Variants in AOAH observed in about 807,000 individuals in gnomAD.
The protein encoded by AOAH is acyloxyacyl hydrolase.
Under a neutral mutation model 92.2 loss-of-function variants are expected in AOAH, and 64 were observed. The ratio of observed to expected loss-of-function variants is 0.69; its 90% CI spans 0.57 to 0.86. The LOEUF is 0.86. AOAH is among the 40% of genes least tolerant of loss of function. AOAH has a pLI of 0.00. For synonymous variants in AOAH, 263 were observed against 254.5 expected, an observed-to-expected ratio of 1.03 and a Z score of -0.32; for missense variants, 656 against 694.6, an observed-to-expected ratio of 0.94 and a Z score of 0.62.
chr7:36,625,438 G>A (rs773506965), intron 6 of AOAH, among the ~76,000 whole-genome samples: 1 of 152,150 alleles, frequency 6.6e-6, no homozygotes, highest in Non-Finnish European at 1.5e-5. Flanking sequence ...GGTTTATTGG[G>A]AGGATTAAGG....
At chr7:36,687,953 G>T (rs1343588611) in intron 1 of AOAH, among the ~76,000 whole-genome samples, 2 of 152,168 alleles carry the variant, frequency 1.3e-5, no homozygotes, top group African/African-American at 4.8e-5. Context: ...CTTTCTAGAT[G>T]CTGCAATATC....
At chr7:36,660,652 T>G in intron 3 of AOAH, among the ~76,000 whole-genome samples, 1 of 152,212 alleles carries the variant, frequency 6.6e-6, no homozygotes, top group East Asian at 1.9e-4. Context: ...GAAAGTACAA[T>G]GTAACTGACT....
intron 6 of AOAH, among the ~76,000 whole-genome samples, chr7:36,624,741 G>T (rs1305286233): frequency 6.6e-6 from 1 of 152,178 alleles, no homozygotes; most frequent in African/African-American, 2.4e-5. Flanking sequence ...CCCAGCACCC[G>T]TGGGTGACCC....
At chr7:36,573,647 G>A (rs751440544) in intron 13 of AOAH, among the ~76,000 whole-genome samples, 12 of 152,130 alleles carry the variant, frequency 7.9e-5, no homozygotes, top group Non-Finnish European at 1.5e-4. Flanking sequence ...GAACCCAGGA[G>A]GTGGAGGTTG....
rs947625125 is a variant in AOAH at position 36,614,892 on chromosome 7, AGAGATTCCTGGCTTACCTGGGGACCCATG to A, written c.846+1459_846+1487del. ...ACTGGGGAGACAGGCCCTGGGAAGG[AGAGATTCCTGGCTTACCTGGGGACCCATG>A]GAACACTGGCAGGAGGAGGAACCCA... On this transcript the variant is annotated intron_variant, in intron 11 of 20. Transcript: ENST00000617537. This position sits in a 1 kb window ranked among gnomAD's most constrained non-coding sequence, Gnocchi z 4.2. 6.6e-6 allele frequency among the ~76,000 whole-genome samples: 1 copy of A among 152,158 alleles called. No individual in the cohort carries two copies. The highest frequency in any genetic ancestry group is 1.5e-5 in the Non-Finnish European group (1 of 68,028).
At chr7:36,680,015 G>C (rs1182030573) in intron 2 of AOAH, among the ~76,000 whole-genome samples, 1 of 152,152 alleles carries the variant, frequency 6.6e-6, no homozygotes, top group Non-Finnish European at 1.5e-5. Flanking sequence ...AGAACCTCCA[G>C]AGTAGGCATG....
At position 36,707,042 on chromosome 7, in the gene AOAH, C is replaced by CT. The variant is rs70977182; in HGVS notation, c.127+16979dup. Among the ~76,000 whole-genome samples, 342 of 145,664 alleles carry CT rather than the reference C, an allele frequency of 2.3e-3. 2 individuals are homozygous for CT. Among genetic ancestry groups the CT allele is most frequent in the Admixed American group, 2.7e-3 (40 of 14,592 alleles). On this transcript the variant is annotated intron_variant, in intron 1 of 20. Coordinates refer to ENST00000617537, the MANE Select transcript of AOAH (RefSeq NM_001637.4). ...TTTTTTTTCAATAACTTTCTCTTTT[C>CT]TTTTTTTTTTTTGGCATTCACCACT...
At chr7:36,523,710 C>T (rs754669569) in intron 19 of AOAH, among the ~76,000 whole-genome samples, 10 of 131,790 alleles carry the variant, frequency 7.6e-5, no homozygotes, top group Admixed American at 5.8e-4. Context: ...TCACATTTCC[C>T]TCTGGACTTG....
intron 12 of AOAH, among the ~76,000 whole-genome samples, chr7:36,584,177 G>C (rs1001059329): frequency 2.0e-5 from 3 of 152,160 alleles, no homozygotes; most frequent in African/African-American, 4.8e-5. Flanking sequence ...TACCAAATAA[G>C]CTTGTTTCCC....
At chr7:36,659,518 C>T (rs906238836) in intron 3 of AOAH, among the ~76,000 whole-genome samples, 2 of 152,198 alleles carry the variant, frequency 1.3e-5, no homozygotes, top group African/African-American at 4.8e-5. Flanking sequence ...GCCAGTCAGC[C>T]TCTCACGCGA....
intron 1 of AOAH, among the ~76,000 whole-genome samples, chr7:36,708,360 T>C (rs1419824096): frequency 6.6e-6 from 1 of 152,222 alleles, no homozygotes; most frequent in Non-Finnish European, 1.5e-5. Flanking sequence ...ATTTCAATTA[T>C]TGATTTTTAA....
At chr7:36,521,947 A>G (rs976009032) in intron 20 of AOAH, 92 bp downstream of exon 20, 3 of 1,092,426 alleles carry the variant, frequency 2.7e-6, no homozygotes, top group Non-Finnish European at 4.2e-6. Context: ...GGAACAAAAC[A>G]GGATAAAAAT....
chr7:36,588,636 T>C (rs899105128), intron 12 of AOAH, among the ~76,000 whole-genome samples: 1 of 152,216 alleles, frequency 6.6e-6, no homozygotes, highest in Non-Finnish European at 1.5e-5. Flanking sequence ...TTCCCTACTC[T>C]CCAATTTTCT....
At chr7:36,618,475 G>T (rs921630323) in intron 9 of AOAH, 130 bp from the exon 10 acceptor site, 17 of 801,992 alleles carry the variant, frequency 2.1e-5, no homozygotes, top group Non-Finnish European at 3.3e-5. Context: ...AGTTTCTTAA[G>T]CCCCTAATTC....
Position 36,608,139 on chromosome 7 carries a change from C to T in AOAH, c.846+8241G>A, listed in dbSNP as rs540270574. 5.9e-5 allele frequency among the ~76,000 whole-genome samples: 9 copies of T among 152,364 alleles called. No individual in the cohort carries two copies. The South Asian group carries it at 1.9e-3, about 32-fold the overall frequency. On this transcript the variant is annotated intron_variant, in intron 11 of 20. Coordinates refer to ENST00000617537, the MANE Select transcript of AOAH (RefSeq NM_001637.4). The stretch of plus-strand genomic sequence containing the variant: ...GCTCTTTCTGTCCTGCTGCCTCGGT[C>T]ACTGCTCTTACATTCCCCATGGGGG...
rs2228411 is a variant in AOAH at position 36,724,083 on chromosome 7, C to T, written c.66G>A (p.Ser22=). The T allele has an allele frequency of 0.35, 560,204 of 1,613,310 alleles. 101,079 individuals carry two copies. Among genetic ancestry groups the T allele is most frequent in the African/African-American group, 0.53 (39,533 of 74,894 alleles). The change falls in exon 1 of 21, where the codon TCG becomes TCA. Residue 22 remains serine, a synonymous_variant. Transcript: ENST00000617537. ...ACTGGTCATCGTTGGCTGGAGAGGC[C>T]GAGGACTGAAGAGACAGGAGCAAGA... The part of the protein sequence containing the change: ...PLFLLLSLQS[S]ASPANDDQSR...
At position 36,614,701 on chromosome 7, in the gene AOAH, A is replaced by T. The variant is rs370109649; in HGVS notation, c.846+1679T>A. ...TTGGTCCTTTTGGGAATCTGGGCAC[A>T]GGCAAGAGGAAGATTGGGGTTGGGC... On this transcript the variant is annotated intron_variant, in intron 11 of 20. Transcript: ENST00000617537. The surrounding 1 kb of genome is among the most constrained non-coding windows in gnomAD (Gnocchi z 4.2). Among the ~76,000 whole-genome samples the T allele has an allele frequency of 3.0e-4, 45 of 152,358 alleles. 1 individual carries two copies. The East Asian group carries it at 5.6e-3, about 19-fold the overall frequency.
At chr7:36,556,916 G>A in intron 13 of AOAH, among the ~76,000 whole-genome samples, 1 of 151,612 alleles carries the variant, frequency 6.6e-6, no homozygotes, top group East Asian at 1.9e-4. Context: ...ACAGCACACT[G>A]ATGGCTCTTG....
intron 1 of AOAH, among the ~76,000 whole-genome samples, chr7:36,707,035 CTCTTT>C (rs1245988939): frequency 8.5e-6 from 1 of 117,002 alleles, no homozygotes; most frequent in Non-Finnish European, 1.8e-5. Context: ...CAATAACTTT[CTCTTT>C]TCTTTTTTTT....
Sources: gnomAD v4.1 joint callset for allele counts (sites outside exome capture counted in the v4.1 genomes callset) on GRCh38, gnomAD v4.1.1 for gene constraint, Gnocchi (gnomAD v3.1) non-coding constraint, MANE v1.5 for transcripts, NCBI Gene and HGNC (gene_info 2026-07-23, HGNC 2026-07-21) for gene names.